The following TMC5 variants were observed in gnomAD, a reference collection of about 807,000 sequenced individuals.
TMC5 encodes the protein transmembrane channel like 5.
A neutral mutation model predicts 110.5 loss-of-function variants in TMC5; 86 were observed. That is an observed-to-expected ratio of 0.78 (90% CI 0.65 to 0.93). The LOEUF (loss-of-function observed/expected upper bound fraction) is 0.93, where lower values mean the gene tolerates loss of function less well. Ranked by LOEUF, TMC5 falls within the 40% of genes least tolerant of loss-of-function variation. The probability of loss-of-function intolerance (pLI) is 0.00; values close to 1 mark genes in which losing one functional copy is unlikely to be tolerated. For synonymous variants in TMC5, 455 were observed against 439.5 expected (o/e 1.04, Z -0.44); for missense variants, 1,144 against 1,222.8 (o/e 0.94, Z 0.96).
At chr16:19,495,809 A>G (rs1263239090) in intron 20 of TMC5, among the ~76,000 whole-genome samples, 1 of 151,900 alleles carries the variant, frequency 6.6e-6, no homozygotes, top group Non-Finnish European at 1.5e-5. Flanking sequence ...ACCGCACTCC[A>G]GCTTGGGAGA....
chr16:19,434,516 G>A (rs922350649), intron 2 of TMC5, among the ~76,000 whole-genome samples: 1 of 136,144 alleles, frequency 7.3e-6, no homozygotes, highest in Non-Finnish European at 1.6e-5. Context: ...AGAGATGGGG[G>A]TCTTGCTATG....
intron 10 of TMC5, among the ~76,000 whole-genome samples, chr16:19,470,125 AC>A (rs1968297560): frequency 6.7e-6 from 1 of 149,214 alleles, no homozygotes; most frequent in African/African-American, 2.5e-5. Context: ...CAATCTCCTG[AC>A]CTCGTGATCC....
intron 21 of TMC5, among the ~76,000 whole-genome samples, chr16:19,497,449 A>T (rs952629982): frequency 8.5e-5 from 13 of 152,212 alleles, no homozygotes; most frequent in African/African-American, 3.1e-4. Flanking sequence ...TCAACTTCTT[A>T]TATCTTCTCA....
chr16:19,485,112 CT>C (rs35687638), intron 15 of TMC5, among the ~76,000 whole-genome samples: 40,940 of 127,164 alleles, frequency 0.32, 8,788 homozygotes, highest in African/African-American at 0.63. Flanking sequence ...TATTATTTGC[CT>C]TTTTTTTTTT....
intron 6 of TMC5, among the ~76,000 whole-genome samples, chr16:19,461,706 C>CT (rs1041102765): frequency 4.0e-5 from 6 of 151,540 alleles, no homozygotes; most frequent in South Asian, 4.2e-4. Flanking sequence ...GTTGCTTAAT[C>CT]TTTTTTTTTC....
intron 5 of TMC5, among the ~76,000 whole-genome samples, chr16:19,450,741 C>T (rs1967729720): frequency 6.6e-6 from 1 of 152,298 alleles, no homozygotes; most frequent in South Asian, 2.1e-4. Flanking sequence ...ATCATTTTTA[C>T]CACAAGGGAC....
intron 20 of TMC5, 118 bp from the exon 21 acceptor site, chr16:19,497,003 C>T (rs1183204765): frequency 5.3e-6 from 5 of 942,266 alleles, no homozygotes; most frequent in Non-Finnish European, 8.4e-6. Flanking sequence ...GCCTTAATCT[C>T]TCATCCCTTA....
chr16:19,417,094 C>CAAAAAAAAAAAAA (rs60613963), upstream of TMC5, among the ~76,000 whole-genome samples: 3 of 69,184 alleles, frequency 4.3e-5, no homozygotes, highest in Admixed American at 2.2e-4. Context: ...ACTCAGTCTT[C>CAAAAAAAAAAAAA]AAAAAAAAAA....
chr16:19,489,910 T>G (rs1474249174), intron 17 of TMC5, among the ~76,000 whole-genome samples: 1 of 151,880 alleles, frequency 6.6e-6, no homozygotes, highest in African/African-American at 2.4e-5. Flanking sequence ...CACCTCAGCC[T>G]CCTATGTAGC....
At chr16:19,447,322 C>G (rs140922861) in intron 4 of TMC5, among the ~76,000 whole-genome samples, 1 of 152,190 alleles carries the variant, frequency 6.6e-6, no homozygotes, top group African/African-American at 2.4e-5. Flanking sequence ...CACACGGTAT[C>G]TTTAAAAGCC....
At chr16:19,431,902 A>T (rs1318997672) in intron 2 of TMC5, among the ~76,000 whole-genome samples, 2 of 152,126 alleles carry the variant, frequency 1.3e-5, no homozygotes, top group Admixed American at 1.3e-4. Flanking sequence ...ATGTCCTGTG[A>T]CTGATTCAGC....
At chr16:19,445,715 G>A (rs1445981118) in intron 4 of TMC5, among the ~76,000 whole-genome samples, 1 of 152,124 alleles carries the variant, frequency 6.6e-6, no homozygotes, top group Non-Finnish European at 1.5e-5. Flanking sequence ...GTGCTGGGAG[G>A]TGCAGATGGA....
chr16:19,426,730 C>T (rs985530291), intron 1 of TMC5, among the ~76,000 whole-genome samples: 21 of 152,212 alleles, frequency 1.4e-4, no homozygotes, highest in African/African-American at 5.1e-4. Flanking sequence ...ATTTAATCAT[C>T]TTAAAACATT....
chr16:19,483,910 C>A (rs908432812), intron 15 of TMC5, among the ~76,000 whole-genome samples: 1 of 152,096 alleles, frequency 6.6e-6, no homozygotes, highest in Admixed American at 6.6e-5. Flanking sequence ...AAACCCATCT[C>A]TACTAAAAAT....
chr16:19,411,961 G>T (rs1966856812), intron 1 of TMC5, among the ~76,000 whole-genome samples: 1 of 152,136 alleles, frequency 6.6e-6, no homozygotes, highest in South Asian at 2.1e-4. Context: ...TGCAATCCAG[G>T]TTCCATCACC....
chr16:19,474,209 T>C lies in TMC5; in HGVS notation c.2023T>C (p.Tyr675His). The C allele has an allele frequency of 6.2e-7, 1 of 1,614,108 alleles. No homozygotes were observed. Among genetic ancestry groups the C allele is most frequent in the Non-Finnish European group, 8.5e-7 (1 of 1,180,018 alleles). Residue 675 changes from tyrosine to histidine, a missense_variant, in exon 12 of 22, where the codon TAC becomes CAC. By Grantham distance (83) the Tyr-to-His change is moderately conservative. Coordinates refer to ENST00000542583, the MANE Select transcript of TMC5 (RefSeq NM_001261841.2). ...CATTAATCTGGCCGTGCCATGCATCTACTCCATGTTCAGGCTTGTGGAGAG... is the reference window on the plus strand; with the variant it reads ...CATTAATCTGGCCGTGCCATGCATCCACTCCATGTTCAGGCTTGTGGAGAG... ...SCINLAVPCIYSMFRLVERYE... is the reference protein window; with the variant it reads ...SCINLAVPCIHSMFRLVERYE...
chr16:19,493,883 C>CTTTT (rs5816053), intron 19 of TMC5, among the ~76,000 whole-genome samples: 2 of 150,618 alleles, frequency 1.3e-5, no homozygotes, highest in African/African-American at 2.4e-5. Flanking sequence ...CTACATATAT[C>CTTTT]TTTTTTTTTT....
chr16:19,497,972 C>G lies in TMC5; in HGVS notation c.*6C>G, dbSNP rs200469611. 4.6e-5 allele frequency: 74 copies of G among 1,613,440 alleles called. No individual in the cohort carries two copies. The highest frequency in any genetic ancestry group is 6.3e-5 in the Non-Finnish European group (74 of 1,179,530). On this transcript the variant is annotated 3_prime_UTR_variant, in exon 22 of 22. Transcript: ENST00000542583. Reference sequence around the variant, plus strand: ...AAGGTAATCCAAGGGCCTGATGACTCTTTTGGTAACCAGACACCAATCAAA... The same window carrying G: ...AAGGTAATCCAAGGGCCTGATGACTGTTTTGGTAACCAGACACCAATCAAA...
intron 5 of TMC5, among the ~76,000 whole-genome samples, chr16:19,459,964 G>T (rs183649557): frequency 6.7e-6 from 1 of 148,394 alleles, no homozygotes; most frequent in Non-Finnish European, 1.5e-5. Context: ...GACCAAACAC[G>T]CAGGATCTTA....
Sources: allele counts gnomAD v4.1 joint callset (sites outside exome capture counted in the v4.1 genomes callset), GRCh38; gene constraint gnomAD v4.1.1; transcripts MANE v1.5; gene names NCBI Gene and HGNC (gene_info 2026-07-23, HGNC 2026-07-21).